SNTB1: variants seen among roughly 807,000 people sequenced by gnomAD.
The protein encoded by SNTB1 is syntrophin beta 1.
In SNTB1, 36 loss-of-function variants were observed where a neutral mutation model predicts 48.9. The ratio of observed to expected loss-of-function variants is 0.74; its 90% confidence interval spans 0.56 to 0.97. SNTB1 has a LOEUF of 0.97. Among genes scored for constraint, SNTB1 ranks in the 50% least tolerant of loss-of-function variants. The pLI is 0.00. For missense variants in SNTB1, 786 were observed against 703.4 expected, an observed-to-expected ratio of 1.12 and a Z score of -1.33; for synonymous variants, 299 against 294.6, an observed-to-expected ratio of 1.01 and a Z score of -0.15.
intron 1 of SNTB1, among the ~76,000 whole-genome samples, chr8:120,748,344 G>A (rs778097485): frequency 1.8e-4 from 27 of 151,676 alleles, no homozygotes; most frequent in East Asian, 3.9e-4. Flanking sequence ...AAATAGAGAT[G>A]ACAAAATATA....
chr8:120,659,087 C>T (rs1249851376), intron 2 of SNTB1, among the ~76,000 whole-genome samples: 1 of 151,986 alleles, frequency 6.6e-6, no homozygotes, highest in African/African-American at 2.4e-5. Context: ...CCTTAGCCTC[C>T]TAAGTAGCTG....
intron 3 of SNTB1, among the ~76,000 whole-genome samples, chr8:120,597,774 C>G (rs908773230): frequency 3.3e-5 from 5 of 152,366 alleles, no homozygotes; most frequent in Admixed American, 3.3e-4. Flanking sequence ...GTCACCCTGG[C>G]AGCATCAGGA....
At position 120,548,961 on chromosome 8, in the gene SNTB1, GGA is replaced by G. The variant is rs138861807; in HGVS notation, c.1137-5_1137-4del. On this transcript the variant is annotated splice_polypyrimidine_tract_variant and splice_region_variant and intron_variant, in intron 4 of 6. Transcript: ENST00000517992. ...TTCCTGGACCTGAATGGACCAGCCT[GGA>G]GAGAGAGAGAGAGAGACATCATCAA... The G allele has an allele frequency of 0.028, 36,133 of 1,309,706 alleles. 1 individual carries two copies. Among genetic ancestry groups the G allele is most frequent in the South Asian group, 0.047 (3,099 of 65,636 alleles). The allele number at this position is 1,309,706 out of a possible 1,614,324, so 81.1% of individuals were successfully genotyped here. A position where few individuals can be genotyped will look rare whatever the true frequency, so the allele number is the denominator to read the frequency against.
chr8:120,562,552 T>A (rs1048320516), intron 4 of SNTB1, among the ~76,000 whole-genome samples: 1 of 152,112 alleles, frequency 6.6e-6, no homozygotes, highest in Non-Finnish European at 1.5e-5. Context: ...TGACAGCATG[T>A]AGATTATTGG....
intron 4 of SNTB1, among the ~76,000 whole-genome samples, chr8:120,550,542 TAAA>T (rs11445916): frequency 4.7e-5 from 6 of 126,664 alleles, no homozygotes; most frequent in South Asian, 2.6e-4. Context: ...ACTCTGTCTT[TAAA>T]AAAAAAAAAA....
chr8:120,584,194 C>A (rs1192845847), intron 3 of SNTB1, among the ~76,000 whole-genome samples: 1 of 151,824 alleles, frequency 6.6e-6, no homozygotes, highest in African/African-American at 2.4e-5. Flanking sequence ...GTAATCCCAG[C>A]ACTTTGGGAG....
At chr8:120,652,458 G>A (rs4495478) in intron 2 of SNTB1, among the ~76,000 whole-genome samples, 56,483 of 151,818 alleles carry the variant, frequency 0.37, 12,311 homozygotes, top group Non-Finnish European at 0.49. Context: ...TGGGGGGTTG[G>A]ATGGAATCAC....
chr8:120,698,553 A>G (rs945377102), intron 1 of SNTB1, among the ~76,000 whole-genome samples: 3 of 152,214 alleles, frequency 2.0e-5, no homozygotes, highest in African/African-American at 7.2e-5. Flanking sequence ...TAATAAAAAA[A>G]AAAGCAAAAG....
At chr8:120,795,643 T>C (rs1820108977) in intron 1 of SNTB1, among the ~76,000 whole-genome samples, 1 of 152,080 alleles carries the variant, frequency 6.6e-6, no homozygotes, top group Non-Finnish European at 1.5e-5. Flanking sequence ...AGGCCTGCTA[T>C]AACAAAGTAC....
chr8:120,655,632 TGTG>T (rs1199743194), intron 2 of SNTB1, among the ~76,000 whole-genome samples: 2 of 152,222 alleles, frequency 1.3e-5, no homozygotes, highest in African/African-American at 4.8e-5. Flanking sequence ...GGTTATAAAA[TGTG>T]GTGTTTTGAA....
intron 2 of SNTB1, among the ~76,000 whole-genome samples, chr8:120,685,657 T>C (rs1021368385): frequency 6.6e-6 from 1 of 152,220 alleles, no homozygotes; most frequent in African/African-American, 2.4e-5. Context: ...CATCCTAATC[T>C]CTTTATCAAA....
intron 2 of SNTB1, among the ~76,000 whole-genome samples, chr8:120,645,161 A>C (rs1339812334): frequency 1.3e-5 from 2 of 151,806 alleles, no homozygotes; most frequent in African/African-American, 4.8e-5. Flanking sequence ...GAAGCTCTTT[A>C]GTTTAATCAG....
At chr8:120,634,028 G>T (rs949372109) in intron 2 of SNTB1, among the ~76,000 whole-genome samples, 1 of 151,718 alleles carries the variant, frequency 6.6e-6, no homozygotes, top group Non-Finnish European at 1.5e-5. Flanking sequence ...AATCTCCCCC[G>T]CAACTACCCC....
At chr8:120,643,718 A>T (rs1275570430) in intron 2 of SNTB1, among the ~76,000 whole-genome samples, 1 of 152,196 alleles carries the variant, frequency 6.6e-6, no homozygotes, top group Non-Finnish European at 1.5e-5. Flanking sequence ...TTGTGTTGCT[A>T]TAAACATGAA....
At chr8:120,630,126 C>A (rs1217775347) in intron 3 of SNTB1, among the ~76,000 whole-genome samples, 1 of 152,218 alleles carries the variant, frequency 6.6e-6, no homozygotes, top group Admixed American at 6.5e-5. Context: ...GTTGGCCAGC[C>A]TCCCTTTGCC....
chr8:120,670,001 A>G (rs1383558111), intron 2 of SNTB1, among the ~76,000 whole-genome samples: 1 of 152,120 alleles, frequency 6.6e-6, no homozygotes, highest in Non-Finnish European at 1.5e-5. Context: ...TTTAGTATAA[A>G]TTTTTCTCTA....
chr8:120,683,121 T>A (rs987843446), intron 2 of SNTB1, among the ~76,000 whole-genome samples: 4 of 152,126 alleles, frequency 2.6e-5, no homozygotes, highest in Non-Finnish European at 4.4e-5. Flanking sequence ...GACCTCGTGA[T>A]CCACCCACCT....
At chr8:120,641,103 A>C (rs1019864671) in intron 2 of SNTB1, among the ~76,000 whole-genome samples, 1 of 151,120 alleles carries the variant, frequency 6.6e-6, no homozygotes, top group Admixed American at 6.7e-5. Flanking sequence ...TCAACTGTCA[A>C]TCAAAAAAAA....
chr8:120,789,075 C>T (rs575519251), intron 1 of SNTB1, among the ~76,000 whole-genome samples: 32 of 152,026 alleles, frequency 2.1e-4, no homozygotes, highest in African/African-American at 7.7e-4. Context: ...AATTAGAAAT[C>T]AATTCCAAAA....
Sources: gnomAD v4.1 joint callset for allele counts (sites outside exome capture counted in the v4.1 genomes callset) on GRCh38, gnomAD v4.1.1 for gene constraint, MANE v1.5 for transcripts, NCBI Gene and HGNC (gene_info 2026-07-23, HGNC 2026-07-21) for gene names.